KSR1: variants seen among roughly 807,000 people sequenced by gnomAD.
The protein encoded by KSR1 is kinase suppressor of ras 1.
A neutral mutation model predicts 92.9 loss-of-function variants in KSR1; 35 were observed. The observed-to-expected ratio is 0.38, with a 90% CI of 0.29 to 0.50. The LOEUF is 0.50. Ranked by LOEUF, KSR1 falls within the 20% of genes least tolerant of loss-of-function variation. The pLI is 0.94. For synonymous variants in KSR1, 467 were observed against 472.6 expected (o/e 0.99, Z 0.15); for missense variants, 972 against 1,158.5 (o/e 0.84, Z 2.34).
chr17:27,524,053 G>C (rs1038221550), intron 1 of KSR1, among the ~76,000 whole-genome samples: 4 of 152,166 alleles, frequency 2.6e-5, no homozygotes, highest in African/African-American at 9.7e-5. Context: ...CATGCAGGCT[G>C]GCCATCCATT....
At chr17:27,511,897 G>A (rs766134675) in intron 1 of KSR1, among the ~76,000 whole-genome samples, 11 of 152,242 alleles carry the variant, frequency 7.2e-5, no homozygotes, top group Non-Finnish European at 1.5e-4. Context: ...AAGCACACCC[G>A]ACAAACATCT....
intron 1 of KSR1, among the ~76,000 whole-genome samples, chr17:27,538,852 T>TGCCCCTGTCCA (rs2070853129): frequency 6.6e-6 from 1 of 152,206 alleles, no homozygotes; most frequent in African/African-American, 2.4e-5. Context: ...CATTGCCCCT[T>TGCCCCTGTCCA]GCCCCTGTCC....
intron 1 of KSR1, among the ~76,000 whole-genome samples, chr17:27,461,613 T>G (rs2019440930): frequency 1.3e-5 from 2 of 151,896 alleles, no homozygotes; most frequent in Non-Finnish European, 1.5e-5. Context: ...TTCACCCGGG[T>G]AACTTTTTCC....
intron 1 of KSR1, among the ~76,000 whole-genome samples, chr17:27,546,126 G>A (rs576239949): frequency 2.2e-4 from 34 of 152,320 alleles, no homozygotes; most frequent in African/African-American, 7.9e-4. Context: ...TCAGAGCCGC[G>A]TGGAATGGAG....
At chr17:27,544,017 G>C (rs1294226515) in intron 1 of KSR1, among the ~76,000 whole-genome samples, 6 of 152,208 alleles carry the variant, frequency 3.9e-5, no homozygotes, top group Non-Finnish European at 7.3e-5. Context: ...CGCCTGAGAA[G>C]AACACCACCC....
intron 19 of KSR1, among the ~76,000 whole-genome samples, chr17:27,618,731 C>G (rs1048491845): frequency 3.3e-5 from 5 of 152,328 alleles, no homozygotes; most frequent in Middle Eastern, 6.8e-3. Context: ...TTTTGCCCCC[C>G]AACCATGTAG....
At position 27,484,836 on chromosome 17, in the gene KSR1, C is replaced by T. The variant is rs1025214635; in HGVS notation, c.231+27962C>T. 6.6e-5 allele frequency among the ~76,000 whole-genome samples: 10 copies of T among 152,188 alleles called. No individual in the cohort carries two copies. In the East Asian group the frequency reaches 9.6e-4, roughly 15 times the overall value. On this transcript the variant is annotated intron_variant, in intron 1 of 20. Coordinates refer to ENST00000644974, the MANE Select transcript of KSR1 (RefSeq NM_001394583.1). ...AGGCAGGGGATTAACCGGGGAGCTG[C>T]GCAGTGTTCGTAGTGGCTGCAGTGT...
At chr17:27,584,063 A>T (rs1003570922) in intron 4 of KSR1, 4 of 807,296 alleles carry the variant, frequency 5.0e-6, no homozygotes, top group Non-Finnish European at 6.0e-6. Flanking sequence ...CTTTTTTGTT[A>T]CAAAGATTGC....
intron 2 of KSR1, among the ~76,000 whole-genome samples, chr17:27,569,985 A>T (rs567382867): frequency 6.6e-6 from 1 of 152,354 alleles, no homozygotes; most frequent in African/African-American, 2.4e-5. Context: ...CAGCGGGTGC[A>T]GCTGGAAGCT....
intron 1 of KSR1, among the ~76,000 whole-genome samples, chr17:27,497,346 C>T (rs1363154782): frequency 6.6e-6 from 1 of 152,248 alleles, no homozygotes; most frequent in Admixed American, 6.5e-5. Flanking sequence ...GTGACTTTCA[C>T]TTGTCGGTAC....
intron 1 of KSR1, among the ~76,000 whole-genome samples, chr17:27,507,926 A>T (rs988346252): frequency 1.3e-5 from 2 of 152,042 alleles, no homozygotes; most frequent in Non-Finnish European, 2.9e-5. Context: ...CATCTCTTGG[A>T]TAGTCTTATT....
At chr17:27,596,378 A>T (rs886968686) in intron 9 of KSR1, among the ~76,000 whole-genome samples, 3 of 152,216 alleles carry the variant, frequency 2.0e-5, no homozygotes, top group African/African-American at 4.8e-5. Flanking sequence ...GTTGTGTCCA[A>T]GGGCTTCCTA....
intron 2 of KSR1, among the ~76,000 whole-genome samples, chr17:27,565,171 A>G (rs774213736): frequency 1.9e-4 from 29 of 152,356 alleles, no homozygotes; most frequent in Non-Finnish European, 3.2e-4. Flanking sequence ...CTGTAATCTT[A>G]CTACTCAAAG....
At chr17:27,601,325 CTG>C (rs1430761505) in intron 10 of KSR1, 33 bp from the exon 11 acceptor site, 2 of 1,597,536 alleles carry the variant, frequency 1.3e-6, no homozygotes, top group Non-Finnish European at 8.6e-7. Context: ...GTTGGCCGTT[CTG>C]TGTGTGTGAC....
At chr17:27,579,362 G>A (rs1300852470) in intron 3 of KSR1, 1 of 152,246 alleles carries the variant, frequency 6.6e-6, no homozygotes, top group Non-Finnish European at 1.5e-5. Context: ...GAACCTGTGG[G>A]ACCTTGGTGA....
intron 1 of KSR1, among the ~76,000 whole-genome samples, chr17:27,487,783 G>C (rs1037623858): frequency 1.3e-5 from 2 of 152,078 alleles, no homozygotes; most frequent in Non-Finnish European, 2.9e-5. Flanking sequence ...GAAGGTGAAG[G>C]GGGAGCAGGT....
At chr17:27,571,908 G>C (rs1241816567) in intron 2 of KSR1, among the ~76,000 whole-genome samples, 1 of 152,192 alleles carries the variant, frequency 6.6e-6, no homozygotes, top group African/African-American at 2.4e-5. Flanking sequence ...TCTAAGTATA[G>C]ACCCCAGGCA....
intron 2 of KSR1, among the ~76,000 whole-genome samples, chr17:27,558,779 G>A (rs1238039349): frequency 6.6e-6 from 1 of 151,140 alleles, no homozygotes; most frequent in Non-Finnish European, 1.5e-5. Context: ...TGATAGTGCT[G>A]AAGGACCCCC....
At chr17:27,591,505 G>A (rs1356536108) in intron 7 of KSR1, among the ~76,000 whole-genome samples, 2 of 152,172 alleles carry the variant, frequency 1.3e-5, no homozygotes, top group Non-Finnish European at 2.9e-5. Context: ...GCCTTTCTGG[G>A]CCTGATTTTT....
Sources: allele counts gnomAD v4.1 joint callset (sites outside exome capture counted in the v4.1 genomes callset), GRCh38; gene constraint gnomAD v4.1.1; transcripts MANE v1.5; gene names NCBI Gene and HGNC (gene_info 2026-07-23, HGNC 2026-07-21).